PACS1: variants seen among roughly 807,000 people sequenced by gnomAD.
PACS1 encodes the protein PACS-1.
In PACS1, 24 loss-of-function variants were observed where a neutral mutation model predicts 115.0. The observed-to-expected ratio is 0.21, with a 90% confidence interval of 0.15 to 0.29. PACS1 has a LOEUF of 0.29. Ranked by LOEUF, PACS1 falls within the 10% of genes least tolerant of loss-of-function variation. PACS1 has a pLI of 1.00. For missense variants in PACS1, 838 were observed against 1,251.2 expected (o/e 0.67, Z 4.98); for synonymous variants, 453 against 504.5 (o/e 0.90, Z 1.37).
At chr11:66,086,432 C>T (rs1590734021) in intron 1 of PACS1, among the ~76,000 whole-genome samples, 1 of 152,048 alleles carries the variant, frequency 6.6e-6, no homozygotes, top group Non-Finnish European at 1.5e-5. Context: ...GCCACCGCGC[C>T]CGGCCTGTAA....
At chr11:66,150,418 A>G (rs914189367) in intron 1 of PACS1, among the ~76,000 whole-genome samples, 7 of 152,094 alleles carry the variant, frequency 4.6e-5, no homozygotes, top group Non-Finnish European at 7.4e-5. Flanking sequence ...CAGAATTCCT[A>G]TATCTAACTG....
chr11:66,144,618 G>A (rs1213322431), intron 1 of PACS1, among the ~76,000 whole-genome samples: 2 of 152,164 alleles, frequency 1.3e-5, no homozygotes, highest in African/African-American at 4.8e-5. Flanking sequence ...AAAGACAACT[G>A]GTGTGAAGTA....
At chr11:66,119,929 A>G (rs1053675197) in intron 1 of PACS1, among the ~76,000 whole-genome samples, 4 of 152,126 alleles carry the variant, frequency 2.6e-5, no homozygotes, top group African/African-American at 7.2e-5. Context: ...ACATTGCTGC[A>G]TGGTGGAAGG....
chr11:66,159,642 A>G (rs1859443365), intron 1 of PACS1, among the ~76,000 whole-genome samples: 1 of 152,088 alleles, frequency 6.6e-6, no homozygotes, highest in Admixed American at 6.6e-5. Context: ...CTGATCTGGT[A>G]AATGTAGGAT....
intron 1 of PACS1, among the ~76,000 whole-genome samples, chr11:66,140,399 A>G (rs548168746): frequency 9.8e-5 from 15 of 152,296 alleles, no homozygotes; most frequent in African/African-American, 3.6e-4. Flanking sequence ...GATGCTTTGT[A>G]TCCGCGTGAC....
intron 1 of PACS1, among the ~76,000 whole-genome samples, chr11:66,157,192 C>G (rs1489549882): frequency 2.6e-5 from 4 of 152,110 alleles, no homozygotes; most frequent in Non-Finnish European, 5.9e-5. Flanking sequence ...TCCTCCCTCC[C>G]CAACCCCACT....
rs1484756858 is a variant in PACS1 at position 66,236,277 on chromosome 11, A to C, written c.2250+337A>C. Among the ~76,000 whole-genome samples, 1 of 152,166 alleles carries C rather than the reference A, an allele frequency of 6.6e-6. No homozygotes were observed. Among genetic ancestry groups the C allele is most frequent in the Non-Finnish European group, 1.5e-5 (1 of 68,030 alleles). ...TCCCTTTTAGTGTCCGCCTTTTCCA[A>C]ATCACGAACTGTTCCTGGGTCCATC... On this transcript the variant is annotated intron_variant, in intron 19 of 23. Transcript: ENST00000320580. The surrounding 1 kb of genome is among the most constrained non-coding windows in gnomAD (Gnocchi z 4.2).
At position 66,236,093 on chromosome 11, in the gene PACS1, G is replaced by A. The variant is rs956971774; in HGVS notation, c.2250+153G>A. 3.3e-5 allele frequency among the ~76,000 whole-genome samples: 5 copies of A among 150,268 alleles called. No homozygotes were observed. Among genetic ancestry groups the A allele is most frequent in the East Asian group, 3.9e-4 (2 of 5,070 alleles). ...GGACTACCTGGCAGTGTCTGGAGAC[G>A]TGTTTGGTTGTTATACGGGGGGTAC... On this transcript the variant is annotated intron_variant, in intron 19 of 23. Transcript: ENST00000320580. This position sits in a 1 kb window ranked among gnomAD's most constrained non-coding sequence, Gnocchi z 4.2.
At chr11:66,230,150 AAAAG>A (rs1196701324) in intron 11 of PACS1, among the ~76,000 whole-genome samples, 2 of 151,168 alleles carry the variant, frequency 1.3e-5, no homozygotes, top group Non-Finnish European at 3.0e-5. Flanking sequence ...AAAAAAAAAA[AAAAG>A]AAAAAAAAAA....
chr11:66,107,242 G>A (rs1858069168), intron 1 of PACS1, among the ~76,000 whole-genome samples: 1 of 152,066 alleles, frequency 6.6e-6, no homozygotes, highest in African/African-American at 2.4e-5. Flanking sequence ...TGTCAATTAT[G>A]ATCTGCCTTG....
chr11:66,239,086 C>T (rs1029839123), intron 20 of PACS1, 56 bp from the exon 21 acceptor site: 1 of 1,612,722 alleles, frequency 6.2e-7, no homozygotes, highest in African/African-American at 1.3e-5. Context: ...CTTGCCACCA[C>T]CAAGTCAGAG....
In PACS1 at chr11:66,124,832, G is replaced by A. The variant is rs141935673; in HGVS notation, c.356+53990G>A. On this transcript the variant is annotated intron_variant, in intron 1 of 23. Transcript: ENST00000320580. ...AAAGTCTGGGGCAAGGGTGAGTCCA[G>A]TGCTGGTTAACTGAGCAGCCTGGCA... Among the ~76,000 whole-genome samples the A allele has an allele frequency of 3.7e-3, 561 of 152,312 alleles. 4 individuals are homozygous for A. The highest frequency in any genetic ancestry group is 0.013 in the African/African-American group (522 of 41,574).
chr11:66,180,297 A>G (rs534551470), intron 1 of PACS1, among the ~76,000 whole-genome samples: 48 of 152,278 alleles, frequency 3.2e-4, no homozygotes, highest in African/African-American at 4.8e-5. Context: ...TTGAGATCCA[A>G]TAATACACAG....
At chr11:66,175,799 A>C (rs893029788) in intron 1 of PACS1, among the ~76,000 whole-genome samples, 6 of 152,180 alleles carry the variant, frequency 3.9e-5, no homozygotes, top group Admixed American at 1.3e-4. Context: ...TCAACCCAGA[A>C]ACCTGAGCGT....
chr11:66,131,766 T>TAAA (rs34791428), intron 1 of PACS1, among the ~76,000 whole-genome samples: 109 of 146,748 alleles, frequency 7.4e-4, no homozygotes, highest in Non-Finnish European at 6.9e-4. Flanking sequence ...CATCTCTATG[T>TAAA]AAAAAAAAAA....
At position 66,216,210 on chromosome 11, in the gene PACS1, A is replaced by G. The variant is rs146900599; in HGVS notation, c.752A>G (p.Tyr251Cys). 2.8e-5 allele frequency: 45 copies of G among 1,613,504 alleles called. No homozygotes were observed. Among genetic ancestry groups the G allele is most frequent in the Non-Finnish European group, 3.6e-5 (42 of 1,179,934 alleles). The change falls in exon 5 of 24, where the codon TAC becomes TGC. Residue 251 changes from tyrosine to cysteine, a missense_variant. Coordinates refer to ENST00000320580, the MANE Select transcript of PACS1 (RefSeq NM_018026.4). ...GTGCCTGTGGCAGAAATAAAGATCT[A>G]CTCCCTGTCCAGCCAACCCATTGAC... ...VSVPVAEIKIYSLSSQPIDHE... is the reference protein window; with the variant it reads ...VSVPVAEIKICSLSSQPIDHE...
chr11:66,240,159 A>G (rs924222676), intron 21 of PACS1, among the ~76,000 whole-genome samples: 2 of 152,246 alleles, frequency 1.3e-5, no homozygotes, highest in African/African-American at 4.8e-5. Flanking sequence ...CTGAGGCGCT[A>G]GAGCTGGAGC....
intron 1 of PACS1, among the ~76,000 whole-genome samples, chr11:66,139,380 T>G (rs969581037): frequency 2.4e-4 from 36 of 152,184 alleles, no homozygotes; most frequent in African/African-American, 8.4e-4. Context: ...AATTAAATTA[T>G]TTTGTACTAT....
At chr11:66,180,201 C>T (rs927669704) in intron 1 of PACS1, among the ~76,000 whole-genome samples, 1 of 152,036 alleles carries the variant, frequency 6.6e-6, no homozygotes, top group Non-Finnish European at 1.5e-5. Context: ...CACTGCACTC[C>T]AGCCTGGGCA....
Sources: gnomAD v4.1 joint callset for allele counts (sites outside exome capture counted in the v4.1 genomes callset) on GRCh38, gnomAD v4.1.1 for gene constraint, Gnocchi (gnomAD v3.1) non-coding constraint, MANE v1.5 for transcripts, NCBI Gene and HGNC (gene_info 2026-07-23, HGNC 2026-07-21) for gene names.